Variants in ATCAY observed in about 807,000 individuals in gnomAD.
The protein encoded by ATCAY is caytaxin.
ATCAY carries 22 observed loss-of-function variants against 47.7 expected under a neutral mutation model. That is an observed-to-expected ratio of 0.46 (90% CI 0.33 to 0.66). The LOEUF is 0.66. Among genes scored for constraint, ATCAY ranks in the 30% least tolerant of loss-of-function variants. ATCAY has a pLI of 0.02. For synonymous variants in ATCAY, 216 were observed against 207.6 expected, an observed-to-expected ratio of 1.04 and a Z score of -0.35; for missense variants, 452 against 515.0, an observed-to-expected ratio of 0.88 and a Z score of 1.18.
intron 4 of ATCAY, among the ~76,000 whole-genome samples, chr19:3,905,988 C>T (rs2145244576): frequency 6.6e-6 from 1 of 151,988 alleles, no homozygotes; most frequent in South Asian, 2.1e-4. Context: ...CTGGCTGACA[C>T]AGTGAAACCC....
At position 3,909,737 on chromosome 19, in the gene ATCAY, G is replaced by A. The variant is rs545168245; in HGVS notation, c.779+120G>A. ...GGAGGCTGAGGTGGGAAGGTCCCTTGAGCCCAGGAGTTTGAGACCAGCCTG... is the reference window on the plus strand; with the variant it reads ...GGAGGCTGAGGTGGGAAGGTCCCTTAAGCCCAGGAGTTTGAGACCAGCCTG... On this transcript the variant is annotated intron_variant, in intron 7 of 12. Coordinates refer to ENST00000450849, the MANE Select transcript of ATCAY (RefSeq NM_033064.5). 41 of 1,401,728 alleles carry A rather than the reference G, an allele frequency of 2.9e-5. 1 individual carries two copies. In the South Asian group the frequency reaches 4.6e-4, roughly 16 times the overall value. The allele number at this position is 1,401,728 out of a possible 1,614,324, so 86.8% of individuals were successfully genotyped here. A position where few individuals can be genotyped will look rare whatever the true frequency, so the allele number is the denominator to read the frequency against.
intron 9 of ATCAY, among the ~76,000 whole-genome samples, chr19:3,914,431 C>G (rs1218344254): frequency 6.6e-6 from 1 of 151,868 alleles, no homozygotes; most frequent in African/African-American, 2.4e-5. Flanking sequence ...ACAGGAAAGA[C>G]CTGCCCCCAT....
chr19:3,904,742 A>G (rs956576176), intron 3 of ATCAY, among the ~76,000 whole-genome samples: 23 of 152,148 alleles, frequency 1.5e-4, no homozygotes, highest in Non-Finnish European at 2.9e-4. Flanking sequence ...GTGGCCTGAC[A>G]TCGTTACAGG....
At chr19:3,917,612 GA>G in intron 9 of ATCAY, 129 bp from the exon 10 acceptor site, 1 of 483,210 alleles carries the variant, frequency 2.1e-6, no homozygotes, top group Non-Finnish European at 3.4e-6. Context: ...AAAAAAAAAG[GA>G]AGAAGAAGAA....
At chr19:3,891,625 GC>G (rs996953922) in intron 2 of ATCAY, among the ~76,000 whole-genome samples, 2 of 151,322 alleles carry the variant, frequency 1.3e-5, no homozygotes, top group African/African-American at 4.9e-5. Flanking sequence ...GGGTGTAGGG[GC>G]CCCACATTCC....
At chr19:3,919,975 G>A (rs1474630145) in intron 11 of ATCAY, among the ~76,000 whole-genome samples, 3 of 152,158 alleles carry the variant, frequency 2.0e-5, no homozygotes, top group Non-Finnish European at 4.4e-5. Flanking sequence ...CGCAGCAGAT[G>A]CACGCTGACA....
chr19:3,923,027 G>A (rs1027605139), intron 12 of ATCAY, among the ~76,000 whole-genome samples: 1 of 152,130 alleles, frequency 6.6e-6, no homozygotes, highest in African/African-American at 2.4e-5. Flanking sequence ...TTACAGGCGT[G>A]AGCCACCATG....
chr19:3,919,017 C>A, intron 11 of ATCAY, 140 bp downstream of exon 11: 1 of 1,016,432 alleles, frequency 9.8e-7, no homozygotes, highest in East Asian at 2.7e-5. Context: ...GTGGCTCACG[C>A]CTGTAATCCC....
intron 12 of ATCAY, among the ~76,000 whole-genome samples, chr19:3,921,901 A>AC (rs776383483): frequency 1.5e-4 from 23 of 151,984 alleles, no homozygotes; most frequent in Admixed American, 5.3e-4. Flanking sequence ...TGTTTAAAAA[A>AC]AAAAAAACAA....
At position 3,903,062 on chromosome 19, in the gene ATCAY, C is replaced by T. The variant is rs574190391; in HGVS notation, c.136+517C>T. 6.6e-5 allele frequency among the ~76,000 whole-genome samples: 10 copies of T among 152,242 alleles called. No individual in the cohort carries two copies. In the South Asian group the frequency reaches 1.2e-3, roughly 19 times the overall value. On this transcript the variant is annotated intron_variant, in intron 3 of 12. Transcript: ENST00000450849. The stretch of plus-strand genomic sequence containing the variant: ...GATCATGGCTCACTGCAGCCTCAAC[C>T]TCCAGGGCTCAAGAGATCCTCCTGC...
rs1555768090 is a variant in ATCAY at position 3,906,184 on chromosome 19, A to AAAG, written c.358+530_358+531insAGA. On this transcript the variant is annotated intron_variant, in intron 4 of 12. Coordinates refer to ENST00000450849, the MANE Select transcript of ATCAY (RefSeq NM_033064.5). ...AGACTCCGTCTCAAAAAAAAAAAAA[A>AAAG]AGAGAGAGAGAGGTTGGTGAATGGG... 1.0e-3 allele frequency among the ~76,000 whole-genome samples: 152 copies of AAAG among 148,496 alleles called. No individual in the cohort carries two copies. The East Asian group carries it at 0.011, about 11-fold the overall frequency.
intron 10 of ATCAY, 35 bp downstream of exon 10, chr19:3,917,812 G>A (rs779434825): frequency 8.7e-6 from 14 of 1,600,894 alleles, no homozygotes; most frequent in South Asian, 2.2e-5. Context: ...GGGCTGGGTC[G>A]GGGCAGCGGG....
At chr19:3,918,900 G>A (rs1221970127) in intron 11 of ATCAY, 23 bp downstream of exon 11, 1 of 1,613,678 alleles carries the variant, frequency 6.2e-7, no homozygotes, top group Admixed American at 1.7e-5. Context: ...GGGACCATGG[G>A]CAGAGAGCTG....
intron 11 of ATCAY, 70 bp from the exon 12 acceptor site, chr19:3,920,696 A>G: frequency 1.4e-6 from 2 of 1,382,004 alleles, no homozygotes; most frequent in Non-Finnish European, 1.9e-6. Context: ...AAGTTAAAGA[A>G]AAAAAAGGGA....
At chr19:3,910,683 C>A in intron 7 of ATCAY, 120 bp from the exon 8 acceptor site, 1 of 959,850 alleles carries the variant, frequency 1.0e-6, no homozygotes, top group South Asian at 1.4e-5. Context: ...TACCTGGAGA[C>A]CACACGTGGA....
intron 9 of ATCAY, among the ~76,000 whole-genome samples, chr19:3,916,642 C>G (rs2038968459): frequency 6.6e-6 from 1 of 150,880 alleles, no homozygotes; most frequent in African/African-American, 2.4e-5. Context: ...TACAGGCGCC[C>G]ACCACCACAC....
In ATCAY at chr19:3,925,691, G is replaced by C. The variant is rs984562643; in HGVS notation, c.*1099G>C. On this transcript the variant is annotated 3_prime_UTR_variant, in exon 13 of 13. Transcript: ENST00000450849. This position sits in a 1 kb window ranked among gnomAD's most constrained non-coding sequence, Gnocchi z 4.4. ...GTCAGATGGACTCTAGAAGCACTGAGCTCCCTGTCTCTGGAAGTATTTAAG... is the reference window on the plus strand; with the variant it reads ...GTCAGATGGACTCTAGAAGCACTGACCTCCCTGTCTCTGGAAGTATTTAAG... The C allele has an allele frequency of 6.6e-6, 1 of 152,208 alleles. No individual in the cohort carries two copies. The highest frequency in any genetic ancestry group is 1.5e-5 in the Non-Finnish European group (1 of 68,042). 9.4% of individuals were successfully genotyped at this position (152,208 alleles called of 1,614,324 possible).
intron 8 of ATCAY, 149 bp from the exon 9 acceptor site, chr19:3,913,609 C>T (rs993651269): frequency 1.4e-5 from 9 of 622,784 alleles, no homozygotes; most frequent in East Asian, 1.4e-4. Flanking sequence ...AGGCTGTCAT[C>T]GGGCGGGAGG....
rs1599274840 is a variant in ATCAY, at chr19:3,886,538, C to T, written c.77+694C>T. 2.7e-5 allele frequency among the ~76,000 whole-genome samples: 4 copies of T among 150,130 alleles called. No homozygotes were observed. The South Asian group carries it at 6.4e-4, about 24-fold the overall frequency. On this transcript the variant is annotated intron_variant, in intron 2 of 12. Coordinates refer to ENST00000450849, the MANE Select transcript of ATCAY (RefSeq NM_033064.5). ...CCAGGAGGCGGAGCTTGCAGTGAGC[C>T]GAGATCGCGCCACTGCACTCCAGCC... is the stretch of plus-strand genomic sequence containing the variant.
Sources: allele counts gnomAD v4.1 joint callset (sites outside exome capture counted in the v4.1 genomes callset), GRCh38; gene constraint gnomAD v4.1.1; non-coding constraint Gnocchi (gnomAD v3.1); transcripts MANE v1.5; gene names NCBI Gene and HGNC (gene_info 2026-07-23, HGNC 2026-07-21).